The following ACAA2 variants were observed in gnomAD, a reference collection of about 807,000 sequenced individuals.
ACAA2 encodes 3-ketoacyl-CoA thiolase, mitochondrial.
In ACAA2, 35 loss-of-function variants were observed where a neutral mutation model predicts 44.8. The ratio of observed to expected loss-of-function variants is 0.78; its 90% confidence interval spans 0.60 to 1.04. ACAA2 has a LOEUF of 1.04. Ranked by LOEUF, ACAA2 falls within the 50% of genes least tolerant of loss-of-function variation. The probability of loss-of-function intolerance (pLI) is 0.00; values close to 1 mark genes in which losing one functional copy is unlikely to be tolerated. For missense variants in ACAA2, 468 were observed against 482.6 expected (o/e 0.97, Z 0.28); for synonymous variants, 142 against 166.5 (o/e 0.85, Z 1.13).
At chr18:49,793,750 C>A (rs1738646742) in intron 5 of ACAA2, among the ~76,000 whole-genome samples, 1 of 152,202 alleles carries the variant, frequency 6.6e-6, no homozygotes, top group East Asian at 1.9e-4. Context: ...CTATAGCAAC[C>A]TGCTGTGCTA....
chr18:49,808,955 CA>C (rs1357859447), intron 1 of ACAA2, among the ~76,000 whole-genome samples: 3 of 152,024 alleles, frequency 2.0e-5, no homozygotes, highest in Non-Finnish European at 2.9e-5. Context: ...TGCAGGAGAC[CA>C]GGGGGTATTT....
At position 49,797,467 on chromosome 18, in the gene ACAA2, T is replaced by C. The variant is rs576008832; in HGVS notation, c.311A>G (p.Gln104Arg). The C allele has an allele frequency of 2.5e-6, 4 of 1,606,434 alleles. No individual in the cohort carries two copies. The East Asian group carries it at 6.7e-5, about 27-fold the overall frequency. Residue 104 changes from glutamine to arginine, a missense_variant and splice_region_variant, in exon 3 of 10, where the codon CAG (glutamine) becomes CGG (arginine). Gln to Arg is a conservative substitution (Grantham distance 43). Transcript: ENST00000285093. Reference sequence around the variant, plus strand: ...AATTTAAAAAAATGTTGTCCATACCTGACATCCATTCACAATGGACTGAAA... The same window carrying C: ...AATTTAAAAAAATGTTGTCCATACCCGACATCCATTCACAATGGACTGAAA... ...SGFQSIVNGC[Q>R]EICVKEAEVV... is the part of the protein sequence containing the mutation.
intron 2 of ACAA2, 109 bp from the exon 3 acceptor site, chr18:49,797,703 A>C: frequency 1.1e-6 from 1 of 902,698 alleles, no homozygotes. Flanking sequence ...GATAAACTAT[A>C]TGGCTCTAAG....
At chr18:49,796,966 G>GTATATATATATATATATATATATATATA in intron 3 of ACAA2, among the ~76,000 whole-genome samples, 1 of 150,878 alleles carries the variant, frequency 6.6e-6, no homozygotes, top group African/African-American at 2.4e-5. Context: ...AAATATTGAA[G>GTATATATATATATATATATATATATATA]TATATATATA....
Position 49,791,499 on chromosome 18 carries a change from G to C in ACAA2, c.854C>G (p.Ser285Cys). The change falls in exon 7 of 10, where the codon TCT (serine) becomes TGT (cysteine). Residue 285 changes from serine to cysteine, a missense_variant. By Grantham distance (112) the Ser-to-Cys change is moderately radical (BLOSUM62 -1). Transcript: ENST00000285093. ...ACCCATGATAGAGGGATCACATCCAGATACAAAGTAGCCCACAATTCTTGC... is the reference window on the plus strand; with the variant it reads ...ACCCATGATAGAGGGATCACATCCACATACAAAGTAGCCCACAATTCTTGC... ...PLARIVGYFV[S>C]GCDPSIMGIG... 1.9e-6 allele frequency: 3 copies of C among 1,612,128 alleles called. No homozygotes were observed. Among genetic ancestry groups the C allele is most frequent in the African/African-American group, 1.3e-5 (1 of 74,962 alleles).
chr18:49,813,202 C>G (rs1366229075), intron 1 of ACAA2, among the ~76,000 whole-genome samples: 2 of 152,250 alleles, frequency 1.3e-5, no homozygotes, highest in Non-Finnish European at 2.9e-5. Context: ...GAATGACCTC[C>G]AAGGTCACAT....
chr18:49,811,554 C>T (rs2023669961), intron 1 of ACAA2: 2 of 152,258 alleles, frequency 1.3e-5, no homozygotes, highest in South Asian at 4.1e-4. Flanking sequence ...TAATGTTAAT[C>T]CTTAACAAAA....
intron 2 of ACAA2, among the ~76,000 whole-genome samples, chr18:49,800,498 G>A (rs920481105): frequency 2.6e-5 from 4 of 152,168 alleles, no homozygotes; most frequent in Admixed American, 6.5e-5. Context: ...GATGGTTGCC[G>A]TGTCTGTGTG....
chr18:49,795,841 C>T lies in ACAA2; in HGVS notation c.353G>A (p.Gly118Glu). The change falls in exon 4 of 10, where the codon GGA (glycine) becomes GAA (glutamate). Residue 118 changes from glycine to glutamate, a missense_variant. Gly to Glu is a moderately conservative substitution (Grantham distance 98). Transcript: ENST00000285093. ...GGGAGCTTGGCTCATGCTTTCGGTT[C>T]CTCCACATAAAACAACTTCAGCTTC... ...VKEAEVVLCGGTESMSQAPYC... is the reference protein window; with the variant it reads ...VKEAEVVLCGETESMSQAPYC... The T allele has an allele frequency of 6.2e-7, 1 of 1,612,056 alleles. No homozygotes were observed. Among genetic ancestry groups the T allele is most frequent in the Non-Finnish European group, 8.5e-7 (1 of 1,179,008 alleles).
chr18:49,811,845 C>T (rs1460082152), intron 1 of ACAA2, among the ~76,000 whole-genome samples: 1 of 152,156 alleles, frequency 6.6e-6, no homozygotes, highest in African/African-American at 2.4e-5. Flanking sequence ...TCTAACACTA[C>T]AGTAAATTGT....
intron 9 of ACAA2, 62 bp downstream of exon 9, chr18:49,785,135 C>T: frequency 6.3e-7 from 1 of 1,578,606 alleles, no homozygotes; most frequent in Admixed American, 1.8e-5. Context: ...CTGGGGAAGC[C>T]TAAATCCATG....
intron 1 of ACAA2, among the ~76,000 whole-genome samples, chr18:49,804,020 C>G (rs2023586376): frequency 6.6e-6 from 1 of 151,790 alleles, no homozygotes; most frequent in Admixed American, 6.6e-5. Context: ...AAGTGATTCT[C>G]CTGCCTCAGC....
At chr18:49,805,065 T>G (rs1272537204) in intron 1 of ACAA2, among the ~76,000 whole-genome samples, 1 of 152,258 alleles carries the variant, frequency 6.6e-6, no homozygotes, top group South Asian at 2.1e-4. Context: ...TGGAATAGAC[T>G]TCATGCTAGC....
At chr18:49,798,057 GA>G (rs1415442534) in intron 2 of ACAA2, among the ~76,000 whole-genome samples, 3 of 152,274 alleles carry the variant, frequency 2.0e-5, no homozygotes, top group African/African-American at 4.8e-5. Context: ...CTTAACAGAG[GA>G]AGTATCGGAG....
chr18:49,802,488 G>C (rs1319656047), intron 2 of ACAA2, among the ~76,000 whole-genome samples, 199 bp downstream of exon 2: 1 of 151,128 alleles, frequency 6.6e-6, no homozygotes. Flanking sequence ...CTTGAACCCG[G>C]GAGGCGGAAG....
At chr18:49,795,670 A>C in intron 4 of ACAA2, 95 bp downstream of exon 4, 6 of 660,466 alleles carry the variant, frequency 9.1e-6, no homozygotes, top group Non-Finnish European at 1.5e-5. Flanking sequence ...AATTGGCTTC[A>C]AAATTAGTTT....
At chr18:49,793,356 A>AAT (rs1326869671) in intron 5 of ACAA2, among the ~76,000 whole-genome samples, 5 of 152,238 alleles carry the variant, frequency 3.3e-5, no homozygotes, top group Admixed American at 2.6e-4. Flanking sequence ...TTTGGTTTTA[A>AAT]AACAACCTTA....
rs8096354 is a variant in ACAA2, at chr18:49,808,814, G to A, written c.16+4655C>T. Among the ~76,000 whole-genome samples, 1,212 of 152,298 alleles carry A rather than the reference G, an allele frequency of 8.0e-3. 11 individuals carry two copies. Among genetic ancestry groups the A allele is most frequent in the African/African-American group, 0.027 (1,120 of 41,540 alleles). On this transcript the variant is annotated intron_variant, in intron 1 of 9. Coordinates refer to ENST00000285093, the MANE Select transcript of ACAA2 (RefSeq NM_006111.3). Reference sequence around the variant, plus strand: ...TCAAAAACTCCTGATAAGGGCCTATGTTCAGCTGTGCACATATTGTCTTGA... The same window carrying A: ...TCAAAAACTCCTGATAAGGGCCTATATTCAGCTGTGCACATATTGTCTTGA...
chr18:49,811,481 C>T (rs1197355878), intron 1 of ACAA2: 1 of 152,162 alleles, frequency 6.6e-6, no homozygotes, highest in African/African-American at 2.4e-5. Flanking sequence ...CTGCCAAGTA[C>T]TGGGATGGGT....
Sources: allele counts gnomAD v4.1 joint callset (sites outside exome capture counted in the v4.1 genomes callset), GRCh38; gene constraint gnomAD v4.1.1; transcripts MANE v1.5; gene names NCBI Gene and HGNC (gene_info 2026-07-23, HGNC 2026-07-21).